Variants in RAB3C observed in about 807,000 individuals in gnomAD.
The protein encoded by RAB3C is RAB3C, member RAS oncogene family, also known as ras-related protein Rab-3C.
A neutral mutation model predicts 26.4 loss-of-function variants in RAB3C; 17 were observed. The ratio of observed to expected loss-of-function variants is 0.64; its 90% CI spans 0.44 to 0.97. RAB3C has a LOEUF of 0.97. RAB3C is among the 50% of genes least tolerant of loss of function. The pLI is 0.00. For synonymous variants in RAB3C, 91 were observed against 95.9 expected (o/e 0.95, Z 0.30); for missense variants, 242 against 281.9 (o/e 0.86, Z 1.01).
intron 2 of RAB3C, among the ~76,000 whole-genome samples, chr5:58,687,812 A>G (rs1285096459): frequency 2.0e-5 from 3 of 152,150 alleles, no homozygotes; most frequent in African/African-American, 7.2e-5. Flanking sequence ...TAGATACACT[A>G]GTATCCTTTC....
chr5:58,669,832 A>G (rs541300484), intron 2 of RAB3C, among the ~76,000 whole-genome samples: 2 of 152,314 alleles, frequency 1.3e-5, no homozygotes, highest in East Asian at 3.9e-4. Flanking sequence ...AAGACAACCA[A>G]GAACTCATCA....
At chr5:58,769,088 C>A (rs1741971567) in intron 3 of RAB3C, among the ~76,000 whole-genome samples, 1 of 151,422 alleles carries the variant, frequency 6.6e-6, no homozygotes, top group Admixed American at 6.6e-5. Context: ...CAGGGGAGAC[C>A]AAGAAGAACC....
chr5:58,772,118 G>T (rs111233433), intron 3 of RAB3C, among the ~76,000 whole-genome samples: 4,847 of 152,126 alleles, frequency 0.032, 247 homozygotes, highest in African/African-American at 0.11. Flanking sequence ...GCTGACTCTG[G>T]GCTTGGCTAT....
chr5:58,614,976 G>C (rs1746794336), intron 1 of RAB3C, among the ~76,000 whole-genome samples: 1 of 152,092 alleles, frequency 6.6e-6, no homozygotes, highest in African/African-American at 2.4e-5. Context: ...AAACTGTACA[G>C]GAGAATATGC....
intron 3 of RAB3C, among the ~76,000 whole-genome samples, chr5:58,731,676 G>A (rs992154098): frequency 2.6e-5 from 4 of 152,126 alleles, no homozygotes; most frequent in African/African-American, 9.7e-5. Flanking sequence ...TCACAGGAAC[G>A]TCTTCAGAGG....
chr5:58,598,374 C>T (rs1485979102), intron 1 of RAB3C, among the ~76,000 whole-genome samples: 2 of 151,868 alleles, frequency 1.3e-5, no homozygotes, highest in African/African-American at 2.4e-5. Context: ...TTTACCCAAA[C>T]ACACTTCAAA....
intron 3 of RAB3C, among the ~76,000 whole-genome samples, chr5:58,783,734 A>G (rs1178928005): frequency 6.6e-6 from 1 of 152,222 alleles, no homozygotes; most frequent in Non-Finnish European, 1.5e-5. Context: ...CTGAGAATGC[A>G]CTGAGGTATT....
chr5:58,727,705 G>A (rs1311211346), intron 3 of RAB3C, among the ~76,000 whole-genome samples: 1 of 151,904 alleles, frequency 6.6e-6, no homozygotes, highest in East Asian at 1.9e-4. Context: ...ATGTAATATG[G>A]TAATTTTAAC....
intron 1 of RAB3C, among the ~76,000 whole-genome samples, chr5:58,604,707 G>A (rs888020154): frequency 2.0e-5 from 3 of 152,170 alleles, no homozygotes; most frequent in African/African-American, 7.2e-5. Context: ...AGATGGGCTT[G>A]AAAACTTGCC....
intron 3 of RAB3C, among the ~76,000 whole-genome samples, chr5:58,816,106 A>C (rs531248922): frequency 2.0e-5 from 3 of 152,328 alleles, no homozygotes; most frequent in African/African-American, 7.2e-5. Context: ...CAGCTCCAGA[A>C]CACAGCTAAA....
At chr5:58,676,983 C>T (rs1748243457) in intron 2 of RAB3C, among the ~76,000 whole-genome samples, 1 of 152,088 alleles carries the variant, frequency 6.6e-6, no homozygotes, top group Non-Finnish European at 1.5e-5. Context: ...TTTATTGCCT[C>T]ACTCTTCTAG....
chr5:58,734,734 T>C (rs182391), intron 3 of RAB3C, among the ~76,000 whole-genome samples: 84,624 of 151,972 alleles, frequency 0.56, 23,867 homozygotes, highest in East Asian at 0.62. Flanking sequence ...AATCTTAACT[T>C]CTCATTTTCT....
chr5:58,643,946 G>A (rs1157591173), intron 2 of RAB3C, among the ~76,000 whole-genome samples: 3 of 151,978 alleles, frequency 2.0e-5, no homozygotes, highest in South Asian at 4.1e-4. Flanking sequence ...CTCAGCCCCC[G>A]AGGAGCTGGG....
At chr5:58,669,889 C>G (rs888471643) in intron 2 of RAB3C, among the ~76,000 whole-genome samples, 1 of 152,136 alleles carries the variant, frequency 6.6e-6, no homozygotes, top group Non-Finnish European at 1.5e-5. Flanking sequence ...TTTCCTTAAC[C>G]AATGCTTTTT....
chr5:58,662,068 T>C (rs1177628946), intron 2 of RAB3C, among the ~76,000 whole-genome samples: 1 of 150,010 alleles, frequency 6.7e-6, no homozygotes, highest in Non-Finnish European at 1.5e-5. Context: ...AGGGAGGTCC[T>C]TTTTAATTTA....
intron 4 of RAB3C, among the ~76,000 whole-genome samples, chr5:58,836,200 A>C (rs920363782): frequency 6.6e-6 from 1 of 152,192 alleles, no homozygotes; most frequent in African/African-American, 2.4e-5. Flanking sequence ...TAGTGGTTCT[A>C]GATCAAAGAA....
intron 1 of RAB3C, among the ~76,000 whole-genome samples, chr5:58,596,681 A>G (rs1246482353): frequency 1.7e-5 from 1 of 59,552 alleles, no homozygotes; most frequent in Non-Finnish European, 3.3e-5. Context: ...ATAAATATAT[A>G]ATATATAATA....
chr5:58,595,540 G>GGT (rs1472518947), intron 1 of RAB3C, among the ~76,000 whole-genome samples: 1 of 152,076 alleles, frequency 6.6e-6, no homozygotes, highest in African/African-American at 2.4e-5. Context: ...ACATATATGT[G>GGT]TCCTGGCTTC....
At chr5:58,722,187 G>A (rs550152490) in intron 2 of RAB3C, among the ~76,000 whole-genome samples, 1 of 151,926 alleles carries the variant, frequency 6.6e-6, no homozygotes, top group South Asian at 2.1e-4. Flanking sequence ...CACTGGAAGA[G>A]GTCAAGAAGG....
Sources: gnomAD v4.1 joint callset for allele counts (sites outside exome capture counted in the v4.1 genomes callset) on GRCh38, gnomAD v4.1.1 for gene constraint, MANE v1.5 for transcripts, NCBI Gene and HGNC (gene_info 2026-07-23, HGNC 2026-07-21) for gene names.